The following VIPAS39 variants were observed in gnomAD, a reference collection of about 807,000 sequenced individuals.
VIPAS39 encodes the protein VPS33B interacting protein, apical-basolateral polarity regulator, spe-39 homolog, also known as spermatogenesis-defective protein 39 homolog.
A neutral mutation model predicts 84.7 loss-of-function variants in VIPAS39; 63 were observed. That is an observed-to-expected ratio of 0.74 (90% confidence interval 0.61 to 0.92). The LOEUF (loss-of-function observed/expected upper bound fraction) is 0.92. Ranked by LOEUF, VIPAS39 falls within the 40% of genes least tolerant of loss-of-function variation. VIPAS39 has a pLI of 0.00. For synonymous variants in VIPAS39, 192 were observed against 216.5 expected, an observed-to-expected ratio of 0.89 and a Z score of 0.99; for missense variants, 499 against 604.5, an observed-to-expected ratio of 0.83 and a Z score of 1.83.
At chr14:77,448,376 T>C in intron 7 of VIPAS39, 118 bp downstream of exon 7, 1 of 1,094,188 alleles carries the variant, frequency 9.1e-7, no homozygotes, top group Non-Finnish European at 1.4e-6. Flanking sequence ...TTAGTGGATT[T>C]ATTTTCCCCC....
chr14:77,452,075 G>A (rs2078890762), intron 3 of VIPAS39, among the ~76,000 whole-genome samples: 1 of 152,100 alleles, frequency 6.6e-6, no homozygotes, highest in African/African-American at 2.4e-5. Flanking sequence ...AAATTCAACA[G>A]TGGGCTGGCT....
chr14:77,430,104 T>A (rs1387572726), intron 16 of VIPAS39, among the ~76,000 whole-genome samples: 1 of 152,218 alleles, frequency 6.6e-6, no homozygotes, highest in Non-Finnish European at 1.5e-5. Flanking sequence ...TAAGTACAGA[T>A]GTTTATTTGC....
intron 14 of VIPAS39, 87 bp downstream of exon 14, chr14:77,435,172 T>A (rs1347995467): frequency 1.3e-6 from 2 of 1,588,500 alleles, no homozygotes; most frequent in African/African-American, 1.3e-5. Flanking sequence ...ATACCCATTA[T>A]TAATAGAGTA....
At chr14:77,447,965 C>CTT (rs1301071234) in intron 7 of VIPAS39, among the ~76,000 whole-genome samples, 1 of 138,868 alleles carries the variant, frequency 7.2e-6, no homozygotes, top group Non-Finnish European at 1.6e-5. Context: ...CCCGGCTTCT[C>CTT]TTTTTTTTTT....
At position 77,453,859 on chromosome 14, in the gene VIPAS39, A is replaced by G. The variant is rs1226158898; in HGVS notation, c.93+151T>C. ...TCATCTTAAAAAGGTAAAGTAAGAA[A>G]GGCAGTGAGCTGGATTTTACAATCC... On this transcript the variant is annotated intron_variant, in intron 2 of 19. Coordinates refer to ENST00000557658, the MANE Select transcript of VIPAS39 (RefSeq NM_001193315.2). 6 of 739,334 alleles carry G rather than the reference A, an allele frequency of 8.1e-6. No individual in the cohort carries two copies. The East Asian group carries it at 1.4e-4, about 17-fold the overall frequency. 45.8% of individuals were successfully genotyped at this position (739,334 alleles called of 1,614,324 possible).
chr14:77,451,947 G>A (rs78920937), intron 3 of VIPAS39, among the ~76,000 whole-genome samples: 2,901 of 152,258 alleles, frequency 0.019, 88 homozygotes, highest in African/African-American at 0.066. Flanking sequence ...ACCCAATACA[G>A]ATGCAAACAT....
At chr14:77,438,527 C>T (rs2078651729) in intron 11 of VIPAS39, among the ~76,000 whole-genome samples, 1 of 152,212 alleles carries the variant, frequency 6.6e-6, no homozygotes, top group Non-Finnish European at 1.5e-5. Context: ...CCACGCCCGG[C>T]CCAAATATGG....
At chr14:77,429,821 C>G in intron 16 of VIPAS39, 54 bp from the exon 17 acceptor site, 1 of 1,467,426 alleles carries the variant, frequency 6.8e-7, no homozygotes, top group Non-Finnish European at 9.6e-7. Flanking sequence ...TCAACACATT[C>G]TAGGTTAGTC....
chr14:77,448,945 T>C (rs980905588), intron 6 of VIPAS39, among the ~76,000 whole-genome samples: 7 of 152,374 alleles, frequency 4.6e-5, no homozygotes, highest in African/African-American at 1.7e-4. Context: ...GTTTCTTCCT[T>C]ATGAATCAAT....
At chr14:77,431,756 A>G (rs958665814) in intron 16 of VIPAS39, among the ~76,000 whole-genome samples, 10 of 152,242 alleles carry the variant, frequency 6.6e-5, no homozygotes, top group African/African-American at 2.4e-4. Flanking sequence ...AAATAAATGA[A>G]ATCATCACCT....
rs1317132284 is a variant in VIPAS39, at chr14:77,444,277, C to A, written c.569G>T (p.Ser190Ile). 6.2e-7 allele frequency: 1 copy of A among 1,613,822 alleles called. No individual in the cohort carries two copies. The highest frequency in any genetic ancestry group is 2.2e-5 in the East Asian group (1 of 44,862). The change falls in exon 8 of 20, where the codon AGC becomes ATC. Residue 190 changes from serine (S) to isoleucine (I), a missense_variant. Ser to Ile is a moderately radical substitution (Grantham distance 142, BLOSUM62 -2). Transcript: ENST00000557658. ...AGTAATGACGTTTCCATCATGCATG[C>A]TTACTGCCTCTTCTAGGAGTTGTAG... ...DKLQLLEEAV[S>I]MHDGNVITAV... is the part of the protein sequence containing the mutation.
intron 8 of VIPAS39, among the ~76,000 whole-genome samples, chr14:77,443,840 A>G (rs2078741098): frequency 2.0e-5 from 3 of 148,626 alleles, no homozygotes; most frequent in South Asian, 4.3e-4. Context: ...CCTACTGCAC[A>G]CTAGCCTGGG....
chr14:77,451,187 C>T lies in VIPAS39; in HGVS notation c.343G>A (p.Gly115Ser), dbSNP rs1027805505. The T allele has an allele frequency of 1.9e-6, 3 of 1,614,038 alleles. No individual in the cohort carries two copies. Among genetic ancestry groups the T allele is most frequent in the Non-Finnish European group, 2.5e-6 (3 of 1,180,036 alleles). ...TATCCATTTAAGCATCTCTCTTTAC[C>T]TCTAAAAAAGCTGCTCAGGGAGTAG... The part of the protein sequence containing the change: ...STYSLSSFFR[G>S]RTRPGSFQSL... The change falls in exon 4 of 20, where the codon GGT becomes AGT. Residue 115 changes from glycine (G) to serine (S), a missense_variant and splice_region_variant. By Grantham distance (56) the Gly-to-Ser change is moderately conservative. Coordinates refer to ENST00000557658, the MANE Select transcript of VIPAS39 (RefSeq NM_001193315.2).
At chr14:77,451,443 C>A in intron 3 of VIPAS39, 110 bp from the exon 4 acceptor site, 1 of 1,507,762 alleles carries the variant, frequency 6.6e-7, no homozygotes, top group South Asian at 1.1e-5. Flanking sequence ...GTCCCTTGGC[C>A]AACTTGGGGC....
At chr14:77,442,883 T>C (rs2272586) in intron 9 of VIPAS39, among the ~76,000 whole-genome samples, 3 of 152,332 alleles carry the variant, frequency 2.0e-5, no homozygotes, top group East Asian at 3.9e-4. Context: ...GCACTTAGCA[T>C]GGACTCTGAC....
intron 11 of VIPAS39, among the ~76,000 whole-genome samples, chr14:77,440,772 G>C (rs767338634): frequency 1.3e-5 from 2 of 152,188 alleles, no homozygotes; most frequent in African/African-American, 2.4e-5. Context: ...AGGCTGGAGT[G>C]CAATGGCACG....
chr14:77,445,918 C>T (rs1236596116), intron 7 of VIPAS39, among the ~76,000 whole-genome samples: 8 of 142,530 alleles, frequency 5.6e-5, no homozygotes, highest in East Asian at 2.0e-4. Context: ...CCAGCCCGGG[C>T]GACAGAAGGA....
intron 1 of VIPAS39, among the ~76,000 whole-genome samples, chr14:77,454,441 G>A (rs1040032114): frequency 1.3e-5 from 2 of 152,276 alleles, no homozygotes; most frequent in Admixed American, 6.5e-5. Context: ...TTGGGAGGCC[G>A]AGGCAGGCAG....
At chr14:77,447,899 T>C (rs2078819076) in intron 7 of VIPAS39, among the ~76,000 whole-genome samples, 1 of 150,206 alleles carries the variant, frequency 6.7e-6, no homozygotes, top group African/African-American at 2.5e-5. Context: ...TGACCTCAGG[T>C]GATCTGCCTG....
Sources: gnomAD v4.1 joint callset for allele counts (sites outside exome capture counted in the v4.1 genomes callset) on GRCh38, gnomAD v4.1.1 for gene constraint, MANE v1.5 for transcripts, NCBI Gene and HGNC (gene_info 2026-07-23, HGNC 2026-07-21) for gene names.